Variants in CNTN5 observed in about 807,000 individuals in gnomAD.
The protein encoded by CNTN5 is contactin-5.
A neutral mutation model predicts 129.1 loss-of-function variants in CNTN5; 77 were observed. The ratio of observed to expected loss-of-function variants is 0.60; its 90% CI spans 0.50 to 0.72. The LOEUF (loss-of-function observed/expected upper bound fraction) is 0.72, where lower values mean the gene tolerates loss of function less well. Ranked by LOEUF, CNTN5 falls within the 30% of genes least tolerant of loss-of-function variation. CNTN5 has a pLI of 0.00. For missense variants in CNTN5, 1,478 were observed against 1,328.8 expected (o/e 1.11, Z -1.75); for synonymous variants, 509 against 465.6 (o/e 1.09, Z -1.20).
rs571252613 is a variant in CNTN5 at position 99,660,470 on chromosome 11, G to A, written c.55+104201G>A. On this transcript the variant is annotated intron_variant, in intron 3 of 24. Transcript: ENST00000524871. ...TCAGAAAATTATGCAACTTAAATAT[G>A]TGCAGTTTTATTATATGCCATTTAC... is the stretch of plus-strand genomic sequence containing the variant. Among the ~76,000 whole-genome samples, 215 of 152,152 alleles carry A rather than the reference G, an allele frequency of 1.4e-3. 1 individual carries two copies. The highest frequency in any genetic ancestry group is 4.9e-3 in the African/African-American group (202 of 41,536).
chr11:100,108,340 G>A (rs1206575485), intron 13 of CNTN5, among the ~76,000 whole-genome samples: 1 of 152,120 alleles, frequency 6.6e-6, no homozygotes, highest in Non-Finnish European at 1.5e-5. Context: ...TGGGCTACAT[G>A]GAAGTGGAAA....
At chr11:100,042,753 T>C (rs1387463120) in intron 9 of CNTN5, among the ~76,000 whole-genome samples, 1 of 152,242 alleles carries the variant, frequency 6.6e-6, no homozygotes, top group African/African-American at 2.4e-5. Context: ...AAAAAGCTTG[T>C]GTCAGAATTT....
intron 3 of CNTN5, among the ~76,000 whole-genome samples, chr11:99,639,770 G>T (rs1324667848): frequency 6.6e-6 from 1 of 151,828 alleles, no homozygotes; most frequent in African/African-American, 2.4e-5. Context: ...CACCATGTTG[G>T]TCAGGCTGGT....
intron 2 of CNTN5, among the ~76,000 whole-genome samples, chr11:99,357,906 A>G (rs1408849786): frequency 6.6e-6 from 1 of 151,162 alleles, no homozygotes; most frequent in East Asian, 2.0e-4. Context: ...CCGGAGGCCG[A>G]GGCAGGAGAA....
chr11:99,338,926 ATATATATATATATATATATATCT>A, intron 2 of CNTN5, among the ~76,000 whole-genome samples: 1 of 98,298 alleles, frequency 1.0e-5, no homozygotes, highest in Non-Finnish European at 2.2e-5. Flanking sequence ...ACAGATATAT[ATATATATATATATATATATATCT>A]GTGATATATA....
At chr11:99,552,712 A>G (rs548419153) in intron 2 of CNTN5, among the ~76,000 whole-genome samples, 1 of 152,170 alleles carries the variant, frequency 6.6e-6, no homozygotes, top group African/African-American at 2.4e-5. Flanking sequence ...AAGTTAGAAG[A>G]TGAAATTAAA....
At position 100,157,605 on chromosome 11, in the gene CNTN5, T is replaced by C. The variant is rs1947294888; in HGVS notation, c.1581-33521T>C. ...AGCTTGATAAGCAAATTCTGAAAAT[T>C]ATATGAAAGTGCGAAAGTTGAAAAA... On this transcript the variant is annotated intron_variant, in intron 13 of 24. Transcript: ENST00000524871. Among the ~76,000 whole-genome samples, 2 of 151,718 alleles carry C rather than the reference T, an allele frequency of 1.3e-5. 1 individual carries two copies. Among genetic ancestry groups the C allele is most frequent in the South Asian group, 4.1e-4 (2 of 4,824 alleles).
intron 1 of CNTN5, among the ~76,000 whole-genome samples, chr11:99,199,283 A>C (rs1859051460): frequency 6.6e-6 from 1 of 152,314 alleles, no homozygotes; most frequent in East Asian, 1.9e-4. Flanking sequence ...GCTAGGATTA[A>C]GTTGGTGTCA....
At chr11:99,209,720 TAATGAATAGACAGTA>T (rs1288447606) in intron 1 of CNTN5, among the ~76,000 whole-genome samples, 8 of 152,128 alleles carry the variant, frequency 5.3e-5, no homozygotes, top group East Asian at 1.9e-4. Flanking sequence ...GAATGAATAG[TAATGAATAGACAGTA>T]AATGAATAGA....
At position 99,595,163 on chromosome 11, in the gene CNTN5, A is replaced by G. The variant is rs558092481; in HGVS notation, c.55+38894A>G. On this transcript the variant is annotated intron_variant, in intron 3 of 24. Coordinates refer to ENST00000524871, the MANE Select transcript of CNTN5 (RefSeq NM_014361.4). The stretch of plus-strand genomic sequence containing the variant: ...TTCTGTTACACACTAGGGTGACTAT[A>G]GCAAAGAACAATGTACTGTATATTT... Among the ~76,000 whole-genome samples the G allele has an allele frequency of 2.0e-5, 3 of 152,276 alleles. No homozygotes were observed. The South Asian group carries it at 6.2e-4, about 32-fold the overall frequency.
At chr11:99,825,021 A>G (rs957564799) in intron 4 of CNTN5, among the ~76,000 whole-genome samples, 5 of 152,034 alleles carry the variant, frequency 3.3e-5, no homozygotes, top group African/African-American at 1.2e-4. Flanking sequence ...AGCCCTATCA[A>G]TCTGTTACTG....
chr11:99,338,676 G>A (rs1866346578), intron 2 of CNTN5, among the ~76,000 whole-genome samples: 1 of 151,860 alleles, frequency 6.6e-6, no homozygotes, highest in African/African-American at 2.4e-5. Context: ...CAAAATGGGA[G>A]CCAAGAAACT....
chr11:100,084,107 T>C (rs1792318259), intron 13 of CNTN5, among the ~76,000 whole-genome samples: 1 of 152,170 alleles, frequency 6.6e-6, no homozygotes, highest in African/African-American at 2.4e-5. Context: ...TGAATTCTAC[T>C]TCTAACCATG....
At chr11:99,344,967 T>G (rs1306443038) in intron 2 of CNTN5, among the ~76,000 whole-genome samples, 1 of 152,128 alleles carries the variant, frequency 6.6e-6, no homozygotes, top group Non-Finnish European at 1.5e-5. Flanking sequence ...AAGTTGGAAA[T>G]GTGTAGCTTT....
intron 3 of CNTN5, among the ~76,000 whole-genome samples, chr11:99,717,510 T>A (rs1955292204): frequency 6.6e-6 from 1 of 151,968 alleles, no homozygotes. Context: ...GTCTTTTGGA[T>A]GGGGAAGAGA....
At chr11:99,941,571 A>ACACACACACACAC (rs140118352) in intron 7 of CNTN5, among the ~76,000 whole-genome samples, 2 of 148,270 alleles carry the variant, frequency 1.3e-5, no homozygotes, top group South Asian at 2.1e-4. Flanking sequence ...ACATAAGACA[A>ACACACACACACAC]ACACACACAC....
chr11:99,565,660 T>C (rs1204073100), intron 3 of CNTN5, among the ~76,000 whole-genome samples: 1 of 152,228 alleles, frequency 6.6e-6, no homozygotes, highest in East Asian at 1.9e-4. Context: ...AATGATTTAC[T>C]ACTCCTTAAA....
chr11:99,432,150 CT>C (rs1943396035), intron 2 of CNTN5, among the ~76,000 whole-genome samples: 2 of 152,166 alleles, frequency 1.3e-5, no homozygotes, highest in African/African-American at 4.8e-5. Flanking sequence ...TAATATATCC[CT>C]TTTGTGATAC....
chr11:99,236,740 C>A (rs1477086151), intron 1 of CNTN5, among the ~76,000 whole-genome samples: 1 of 152,100 alleles, frequency 6.6e-6, no homozygotes, highest in Non-Finnish European at 1.5e-5. Context: ...AAACAAATTA[C>A]ATACGATCGA....
Sources: gnomAD v4.1 joint callset for allele counts (sites outside exome capture counted in the v4.1 genomes callset) on GRCh38, gnomAD v4.1.1 for gene constraint, MANE v1.5 for transcripts, NCBI Gene and HGNC (gene_info 2026-07-23, HGNC 2026-07-21) for gene names.